ZAR1L: variants seen among roughly 807,000 people sequenced by gnomAD.
The protein encoded by ZAR1L is protein ZAR1-like.
In ZAR1L, 16 loss-of-function variants were observed where a neutral mutation model predicts 30.0. The observed-to-expected ratio is 0.53, with a 90% CI of 0.36 to 0.81. ZAR1L has a LOEUF of 0.81. Among genes scored for constraint, ZAR1L ranks in the 30% least tolerant of loss-of-function variants. The pLI is 0.00. For missense variants in ZAR1L, 392 were observed against 417.2 expected (o/e 0.94, Z 0.53); for synonymous variants, 197 against 166.8 (o/e 1.18, Z -1.40).
intron 2 of ZAR1L, among the ~76,000 whole-genome samples, chr13:32,313,869 T>C (rs980281450): frequency 1.3e-5 from 2 of 152,256 alleles, no homozygotes; most frequent in East Asian, 1.9e-4. Flanking sequence ...TTCTGAGACT[T>C]GTGTGACATG....
Position 32,311,414 on chromosome 13 carries a change from C to A in ZAR1L, c.512G>T (p.Arg171Leu). 6.5e-7 allele frequency: 1 copy of A among 1,550,082 alleles called. No homozygotes were observed. Among genetic ancestry groups the A allele is most frequent in the Non-Finnish European group, 8.7e-7 (1 of 1,146,932 alleles). The change falls in exon 3 of 6, where the codon CGG becomes CTG. Residue 171 changes from arginine to leucine, a missense_variant. Coordinates refer to ENST00000533490, the MANE Select transcript of ZAR1L (RefSeq NM_001136571.2). ...AEASQPQPPSRRSGADRQEEP... is the reference protein window; with the variant it reads ...AEASQPQPPSLRSGADRQEEP... ...CTCCTGCCTGTCAGCTCCTGACCTC[C>A]GTGATGGTGGCTGCGGCTGGCTGGC...
intron 5 of ZAR1L, among the ~76,000 whole-genome samples, chr13:32,307,952 G>A (rs909399361): frequency 2.6e-5 from 4 of 152,024 alleles, no homozygotes; most frequent in African/African-American, 9.7e-5. Context: ...ACAGGCACCT[G>A]CCACCATGTC....
At chr13:32,309,167 T>G (rs908411256) in intron 4 of ZAR1L, among the ~76,000 whole-genome samples, 6 of 152,040 alleles carry the variant, frequency 3.9e-5, no homozygotes, top group Non-Finnish European at 8.8e-5. Flanking sequence ...ATTTTTTGTA[T>G]TTTTAGTAGA....
At position 32,311,492 on chromosome 13, in the gene ZAR1L, A is replaced by G. The variant is rs1174420984; in HGVS notation, c.434T>C (p.Leu145Pro). ...PATGRRGLIR[L>P]RRDGDEAESK... ...CTCCGCTTCGTCCCCATCTCTCCGCAGGCGGATCAAGCCCCTGCGGCCGGT... is the reference window on the plus strand; with the variant it reads ...CTCCGCTTCGTCCCCATCTCTCCGCGGGCGGATCAAGCCCCTGCGGCCGGT... Residue 145 changes from leucine to proline, a missense_variant, in exon 3 of 6, where the codon CTG (leucine) becomes CCG (proline). Coordinates refer to ENST00000533490, the MANE Select transcript of ZAR1L (RefSeq NM_001136571.2). The G allele has an allele frequency of 6.5e-7, 1 of 1,545,026 alleles. No homozygotes were observed. The highest frequency in any genetic ancestry group is 2.4e-5 in the East Asian group (1 of 40,868).
At position 32,303,824 on chromosome 13, in the gene ZAR1L, G is replaced by A; in HGVS notation, c.*55C>T. The A allele has an allele frequency of 6.6e-7, 1 of 1,518,634 alleles. No individual in the cohort carries two copies. The highest frequency in any genetic ancestry group is 1.3e-5 in the South Asian group (1 of 79,284). 94.1% of individuals were successfully genotyped at this position (1,518,634 alleles called of 1,614,324 possible). On this transcript the variant is annotated 3_prime_UTR_variant, in exon 6 of 6. Transcript: ENST00000533490. ...AGCCAAGTTGCAAAAAAGGAAGACA[G>A]CACAGTAAGTTACAAGAAGAGCTCA...
intron 1 of ZAR1L, 62 bp downstream of exon 1, chr13:32,315,253 G>A (rs2072241993): frequency 6.6e-6 from 1 of 152,456 alleles, no homozygotes; most frequent in South Asian, 2.1e-4. Flanking sequence ...TAGGCATAGG[G>A]GCGGCCCCTC....
At chr13:32,307,566 CATGTT>C (rs1403136193) in intron 5 of ZAR1L, among the ~76,000 whole-genome samples, 3 of 131,722 alleles carry the variant, frequency 2.3e-5, no homozygotes, top group African/African-American at 5.9e-5. Context: ...GTCAGACAGT[CATGTT>C]ATTTCTATGG....
chr13:32,309,675 G>T (rs569548474), intron 4 of ZAR1L, among the ~76,000 whole-genome samples: 3 of 152,284 alleles, frequency 2.0e-5, no homozygotes, highest in East Asian at 1.9e-4. Context: ...GCTACTGCAC[G>T]TATTGCCAAA....
intron 4 of ZAR1L, among the ~76,000 whole-genome samples, chr13:32,309,059 C>T (rs60236946): frequency 0.016 from 2,427 of 148,896 alleles, 57 homozygotes; most frequent in African/African-American, 0.057. Context: ...GGTGGGAAAT[C>T]GGCTCACTGC....
intron 2 of ZAR1L, among the ~76,000 whole-genome samples, chr13:32,314,108 T>C (rs764507228): frequency 6.6e-6 from 1 of 152,246 alleles, no homozygotes; most frequent in African/African-American, 2.4e-5. Flanking sequence ...TACTGTAAGA[T>C]TAAACATGGT....
intron 5 of ZAR1L, 134 bp from the exon 6 acceptor site, chr13:32,304,156 A>G (rs1172352087): frequency 2.3e-6 from 2 of 857,842 alleles, no homozygotes; most frequent in Non-Finnish European, 3.4e-6. Flanking sequence ...GAGAAGGCCA[A>G]GACCAAGTTG....
At position 32,311,354 on chromosome 13, in the gene ZAR1L, T is replaced by C; in HGVS notation, c.572A>G (p.Asp191Gly). 1 of 1,550,904 alleles carries C rather than the reference T, an allele frequency of 6.4e-7. No homozygotes were observed. The change falls in exon 3 of 6, where the codon GAC becomes GGC. Residue 191 changes from aspartate (D) to glycine (G), a missense_variant. Transcript: ENST00000533490. The stretch of plus-strand genomic sequence containing the variant: ...CTTCGTCTCCTGAGGGCACGGGGCG[T>C]CTTTCTCCCCCGATTCCTCCAGCTG... Reference protein sequence around the residue: ...PGQLEESGEKDAPCPQETKSK... With the variant: ...PGQLEESGEKGAPCPQETKSK...
intron 5 of ZAR1L, among the ~76,000 whole-genome samples, chr13:32,307,557 TCAGA>T (rs1411494196): frequency 9.7e-6 from 1 of 103,242 alleles, no homozygotes; most frequent in African/African-American, 3.9e-5. Flanking sequence ...CTTTGACAAG[TCAGA>T]CAGTCATGTT....
At position 32,311,569 on chromosome 13, in the gene ZAR1L, G is replaced by A. The variant is rs1025701718; in HGVS notation, c.357C>T (p.Asp119=). ...GCAGGGGCTCCTGGGGGTCTCTGCC[G>A]TCCCAGGGGGAGCAGCTGCTGAGGG... is the stretch of plus-strand genomic sequence containing the variant. ...PRTLSSCSPW[D]GRDPQEPLPA... is the part of the protein sequence containing the mutation. Residue 119 remains aspartate, a synonymous_variant, in exon 3 of 6, where the codon GAC becomes GAT. Transcript: ENST00000533490. 7.2e-6 allele frequency: 11 copies of A among 1,538,104 alleles called. No individual in the cohort carries two copies. The highest frequency in any genetic ancestry group is 1.7e-4 in the Middle Eastern group (1 of 5,842).
At chr13:32,306,527 A>G (rs984857895) in intron 5 of ZAR1L, among the ~76,000 whole-genome samples, 8 of 152,228 alleles carry the variant, frequency 5.3e-5, no homozygotes, top group African/African-American at 1.9e-4. Context: ...AAGAGATGCA[A>G]TAAGAGCTAT....
In ZAR1L at chr13:32,311,471, G is replaced by A. The variant is rs755198619; in HGVS notation, c.455C>T (p.Ala152Val). ...AGGGCCCGGGAGCGCCTTGCTCTCC[G>A]CTTCGTCCCCATCTCTCCGCAGGCG... ...LIRLRRDGDE[A>V]ESKALPGPAE... The change falls in exon 3 of 6, where the codon GCG becomes GTG. Residue 152 changes from alanine (A) to valine (V), a missense_variant. Transcript: ENST00000533490. The A allele has an allele frequency of 9.7e-6, 15 of 1,546,328 alleles. No individual in the cohort carries two copies. The highest frequency in any genetic ancestry group is 2.4e-5 in the East Asian group (1 of 40,912).
chr13:32,307,759 A>G (rs1046373831), intron 5 of ZAR1L, among the ~76,000 whole-genome samples: 1 of 152,150 alleles, frequency 6.6e-6, no homozygotes, highest in African/African-American at 2.4e-5. Context: ...AGAAAATTAG[A>G]GGATGAATCA....
At chr13:32,309,963 G>A (rs749704582) in intron 4 of ZAR1L, among the ~76,000 whole-genome samples, 1 of 152,194 alleles carries the variant, frequency 6.6e-6, no homozygotes, top group Non-Finnish European at 1.5e-5. Flanking sequence ...TTCTAAACAT[G>A]CGACAGCACA....
Position 32,314,470 on chromosome 13 carries a change from G to T in ZAR1L, c.-309C>A, listed in dbSNP as rs935204102. The T allele has an allele frequency of 1.3e-5, 2 of 152,252 alleles. No individual in the cohort carries two copies. Among genetic ancestry groups the T allele is most frequent in the African/African-American group, 4.8e-5 (2 of 41,466 alleles). 9.4% of individuals were successfully genotyped at this position (152,252 alleles called of 1,614,324 possible). ...ACAAACCCTATTCAGCCTTGTATTA[G>T]GCATGTTACAGAACCAACGAATTCG... On this transcript the variant is annotated 5_prime_UTR_variant, in exon 2 of 6. Transcript: ENST00000533490.
Sources: gnomAD v4.1 joint callset for allele counts (sites outside exome capture counted in the v4.1 genomes callset) on GRCh38, gnomAD v4.1.1 for gene constraint, MANE v1.5 for transcripts, NCBI Gene and HGNC (gene_info 2026-07-23, HGNC 2026-07-21) for gene names.